The following WDFY4 variants were observed in gnomAD, a reference collection of about 807,000 sequenced individuals.
The protein encoded by WDFY4 is WDFY family member 4.
In WDFY4, 169 loss-of-function variants were observed where a neutral mutation model predicts 351.9. The observed-to-expected ratio is 0.48, with a 90% CI of 0.42 to 0.55. The LOEUF is 0.55. Ranked by LOEUF, WDFY4 falls within the 20% of genes least tolerant of loss-of-function variation. WDFY4 has a pLI of 0.00. For synonymous variants in WDFY4, 1,622 were observed against 1,574.6 expected (o/e 1.03, Z -0.71); for missense variants, 3,803 against 3,935.6 (o/e 0.97, Z 0.90).
chr10:48,691,013 G>A (rs1256906685), intron 1 of WDFY4, among the ~76,000 whole-genome samples: 6 of 152,260 alleles, frequency 3.9e-5, no homozygotes, highest in Non-Finnish European at 8.8e-5. Flanking sequence ...TGCCTTCCAT[G>A]GTGCCCTGGC....
rs569403141 is a variant in WDFY4 at position 48,905,592 on chromosome 10, T to C, written c.7586+3729T>C. ...GCACAGTCTCAGCACAGCTCCAGGTTGGAGACCCTTGGAGAAGCTTCTGGG... is the reference window on the plus strand; with the variant it reads ...GCACAGTCTCAGCACAGCTCCAGGTCGGAGACCCTTGGAGAAGCTTCTGGG... On this transcript the variant is annotated intron_variant, in intron 47 of 61. Coordinates refer to ENST00000325239, the MANE Select transcript of WDFY4 (RefSeq NM_001394531.1). Among the ~76,000 whole-genome samples the C allele has an allele frequency of 2.6e-5, 4 of 152,344 alleles. No homozygotes were observed. The South Asian group carries it at 8.3e-4, about 32-fold the overall frequency.
chr10:48,733,813 C>A, intron 9 of WDFY4, 118 bp from the exon 10 acceptor site: 1 of 890,204 alleles, frequency 1.1e-6, no homozygotes, highest in Non-Finnish European at 1.7e-6. Context: ...TACACACTCC[C>A]TTATGATGAA....
At chr10:48,735,620 A>C (rs908779667) in intron 10 of WDFY4, among the ~76,000 whole-genome samples, 2 of 149,414 alleles carry the variant, frequency 1.3e-5, no homozygotes, top group Non-Finnish European at 3.0e-5. Context: ...GATGTTAGTC[A>C]TTTTTTTTTT....
intron 12 of WDFY4, among the ~76,000 whole-genome samples, chr10:48,759,095 T>A (rs1589536145): frequency 6.6e-6 from 1 of 152,236 alleles, no homozygotes; most frequent in East Asian, 1.9e-4. Context: ...GGTTGCAAGT[T>A]TCTGCCCATC....
At chr10:48,837,905 A>G (rs964936709) in intron 39 of WDFY4, among the ~76,000 whole-genome samples, 1 of 152,168 alleles carries the variant, frequency 6.6e-6, no homozygotes, top group Non-Finnish European at 1.5e-5. Flanking sequence ...GAGGAGGGGG[A>G]CCCACTCACC....
chr10:48,774,816 G>T (rs1333085475), intron 14 of WDFY4, 144 bp downstream of exon 14: 5 of 1,106,556 alleles, frequency 4.5e-6, no homozygotes, highest in African/African-American at 1.5e-5. Context: ...GGAGTCCATG[G>T]CTGAGCCTTG....
intron 5 of WDFY4, among the ~76,000 whole-genome samples, chr10:48,723,904 G>C (rs73306151): frequency 0.12 from 17,517 of 151,956 alleles, 1,659 homozygotes; most frequent in African/African-American, 0.26. Context: ...AGTGAGCATG[G>C]GGTCTGGGGT....
intron 40 of WDFY4, 55 bp downstream of exon 40, chr10:48,867,397 C>T (rs2069587533): frequency 2.5e-6 from 3 of 1,212,278 alleles, no homozygotes; most frequent in Admixed American, 3.1e-5. Flanking sequence ...CCACCTTGAA[C>T]CTGAAAAATA....
chr10:48,901,584 G>A (rs1837354905), intron 46 of WDFY4, among the ~76,000 whole-genome samples: 1 of 152,210 alleles, frequency 6.6e-6, no homozygotes, highest in Non-Finnish European at 1.5e-5. Flanking sequence ...TTTTATTGTT[G>A]TCATTGTTGG....
intron 1 of WDFY4, among the ~76,000 whole-genome samples, chr10:48,704,777 T>G (rs1283387728): frequency 1.3e-5 from 2 of 152,222 alleles, no homozygotes; most frequent in East Asian, 3.8e-4. Flanking sequence ...CCAAGTCACC[T>G]CTCTGCTCCC....
chr10:48,896,956 C>A (rs184991610), intron 44 of WDFY4, among the ~76,000 whole-genome samples: 4 of 152,282 alleles, frequency 2.6e-5, no homozygotes, highest in South Asian at 4.1e-4. Flanking sequence ...GACTGTCACG[C>A]CTGGGCAGAG....
intron 12 of WDFY4, among the ~76,000 whole-genome samples, chr10:48,751,786 T>TGTCATC (rs1348485157): frequency 6.6e-6 from 1 of 152,170 alleles, no homozygotes; most frequent in East Asian, 1.9e-4. Context: ...GACTTCCATA[T>TGTCATC]CTAAGCAAGA....
chr10:48,977,037 C>G, intron 59 of WDFY4, 58 bp downstream of exon 59: 1 of 1,302,334 alleles, frequency 7.7e-7, no homozygotes, highest in South Asian at 2.5e-5. Context: ...CATCTCCATT[C>G]TTCTCACTTC....
intron 20 of WDFY4, among the ~76,000 whole-genome samples, chr10:48,787,867 CT>C (rs1184114294): frequency 0.033 from 3,478 of 105,206 alleles, 307 homozygotes; most frequent in East Asian, 0.075. Context: ...CTTTCTTCTT[CT>C]TTCTTCTTTC....
At chr10:48,832,448 T>G (rs1564399140) in intron 38 of WDFY4, 125 bp from the exon 39 acceptor site, 3 of 1,181,940 alleles carry the variant, frequency 2.5e-6, no homozygotes, top group Non-Finnish European at 3.4e-6. Flanking sequence ...CCTGGGTTGT[T>G]TCTCTTTTTG....
intron 47 of WDFY4, among the ~76,000 whole-genome samples, chr10:48,936,549 G>A (rs975050194): frequency 6.6e-6 from 1 of 152,038 alleles, no homozygotes; most frequent in Non-Finnish European, 1.5e-5. Context: ...AAAATTAAAA[G>A]CACTCAGGCC....
intron 19 of WDFY4, among the ~76,000 whole-genome samples, chr10:48,786,054 C>CAG (rs2066394886): frequency 6.6e-6 from 1 of 152,178 alleles, no homozygotes; most frequent in South Asian, 2.1e-4. Context: ...TTTCAGTATA[C>CAG]AGATCCTCTA....
At chr10:48,753,052 T>G (rs1461814815) in intron 12 of WDFY4, among the ~76,000 whole-genome samples, 1 of 152,194 alleles carries the variant, frequency 6.6e-6, no homozygotes, top group Non-Finnish European at 1.5e-5. Flanking sequence ...AAAAAATTTT[T>G]TAGCCATTCT....
At chr10:48,781,587 C>G (rs1180412522) in intron 19 of WDFY4, among the ~76,000 whole-genome samples, 1 of 152,242 alleles carries the variant, frequency 6.6e-6, no homozygotes, top group African/African-American at 2.4e-5. Context: ...TGAGCCACTG[C>G]GCCTGGCTGA....
Sources: gnomAD v4.1 joint callset for allele counts (sites outside exome capture counted in the v4.1 genomes callset) on GRCh38, gnomAD v4.1.1 for gene constraint, MANE v1.5 for transcripts, NCBI Gene and HGNC (gene_info 2026-07-23, HGNC 2026-07-21) for gene names.